The following EYS variants were observed in gnomAD, a reference collection of about 807,000 sequenced individuals.
The protein encoded by EYS is EGF-like photoreceptor maintenance factor.
In EYS, 250 loss-of-function variants were observed where a neutral mutation model predicts 282.1. The observed-to-expected ratio is 0.89, with a 90% CI of 0.80 to 0.98. The LOEUF is 0.98. EYS is among the 50% of genes least tolerant of loss of function. The pLI, the probability that EYS is intolerant of heterozygous loss-of-function variation, is 0.00. For synonymous variants in EYS, 1,355 were observed against 1,282.9 expected, an observed-to-expected ratio of 1.06 and a Z score of -1.20; for missense variants, 4,016 against 3,709.0, an observed-to-expected ratio of 1.08 and a Z score of -2.15.
chr6:64,211,484 G>A (rs1429015343), intron 31 of EYS, among the ~76,000 whole-genome samples: 1 of 151,554 alleles, frequency 6.6e-6, no homozygotes, highest in South Asian at 2.1e-4. Flanking sequence ...ATCTCATGGA[G>A]TCTGTTTTCA....
intron 2 of EYS, among the ~76,000 whole-genome samples, chr6:65,619,054 A>G (rs1582527202): frequency 6.6e-6 from 1 of 152,068 alleles, no homozygotes; most frequent in African/African-American, 2.4e-5. Flanking sequence ...TTGGTTCCAT[A>G]TGAACTTTAA....
At chr6:64,767,549 T>C (rs1198294645) in intron 22 of EYS, among the ~76,000 whole-genome samples, 1 of 152,128 alleles carries the variant, frequency 6.6e-6, no homozygotes, top group African/African-American at 2.4e-5. Flanking sequence ...AACTTTCTGT[T>C]TCTGGCTTAT....
At chr6:64,166,946 A>G (rs78566357) in intron 31 of EYS, among the ~76,000 whole-genome samples, 1,681 of 152,306 alleles carry the variant, frequency 0.011, 29 homozygotes, top group African/African-American at 0.038. Flanking sequence ...AAATTTTGCT[A>G]AAGTTGTAGA....
At chr6:64,643,528 G>A (rs1481631639) in intron 22 of EYS, among the ~76,000 whole-genome samples, 2 of 152,126 alleles carry the variant, frequency 1.3e-5, no homozygotes, top group African/African-American at 4.8e-5. Flanking sequence ...GGTGAGAGTA[G>A]GTGTAGGGAA....
intron 13 of EYS, among the ~76,000 whole-genome samples, chr6:65,014,737 G>A (rs1330465597): frequency 6.6e-6 from 1 of 152,162 alleles, no homozygotes; most frequent in Non-Finnish European, 1.5e-5. Context: ...GGGTAGCATG[G>A]TAGAAAAAAT....
chr6:65,029,424 T>C (rs1772528195), intron 13 of EYS, among the ~76,000 whole-genome samples: 2 of 152,220 alleles, frequency 1.3e-5, no homozygotes, highest in Admixed American at 6.5e-5. Flanking sequence ...TGCACACATA[T>C]ACACTCATAT....
At chr6:64,618,421 T>G (rs953783672) in intron 23 of EYS, among the ~76,000 whole-genome samples, 3 of 152,186 alleles carry the variant, frequency 2.0e-5, no homozygotes, top group Admixed American at 6.6e-5. Context: ...CAGCTCTCAC[T>G]GCTCACTGAC....
At chr6:64,676,767 GC>G (rs1460035117) in intron 22 of EYS, among the ~76,000 whole-genome samples, 1 of 152,052 alleles carries the variant, frequency 6.6e-6, no homozygotes, top group Non-Finnish European at 1.5e-5. Flanking sequence ...TTCATAGATG[GC>G]CTTCTTTTCA....
At chr6:63,735,758 A>T (rs1768895711) in intron 41 of EYS, among the ~76,000 whole-genome samples, 1 of 152,148 alleles carries the variant, frequency 6.6e-6, no homozygotes. Context: ...TTTCTTGTCC[A>T]GGATGCCCTT....
Position 65,631,925 on chromosome 6 carries a change from T to C in EYS, c.-333+7853A>G, listed in dbSNP as rs575196580. ...GGCTAAAGTCACTGAATATGTACAA[T>C]GTGGCAGACACTCTTTAGTTCTCAC... On this transcript the variant is annotated intron_variant, in intron 2 of 42. Coordinates refer to ENST00000503581, the MANE Select transcript of EYS (RefSeq NM_001142800.2). Among the ~76,000 whole-genome samples the C allele has an allele frequency of 7.9e-5, 12 of 152,268 alleles. No homozygotes were observed. In the South Asian group the frequency reaches 2.3e-3, roughly 29 times the overall value.
intron 13 of EYS, among the ~76,000 whole-genome samples, chr6:65,038,046 C>T (rs1241256589): frequency 6.6e-6 from 1 of 151,334 alleles, no homozygotes; most frequent in Non-Finnish European, 1.5e-5. Context: ...GAATGCATGG[C>T]AAAAAGGTTT....
chr6:64,404,569 G>A (rs1474432450), intron 28 of EYS, among the ~76,000 whole-genome samples: 3 of 152,124 alleles, frequency 2.0e-5, no homozygotes, highest in Non-Finnish European at 4.4e-5. Context: ...CCACGTGTCA[G>A]GCAAGACAGT....
Position 64,578,550 on chromosome 6 carries a change from GTTCTAC to G in EYS, c.5644+11667_5644+11672del, listed in dbSNP as rs1194002352. On this transcript the variant is annotated intron_variant, in intron 26 of 42. Transcript: ENST00000503581. ...CCAGAACTTGTGACACCCCACACTT[GTTCTAC>G]TTCTACTTTTTCTTTTATCACATTC... 5.3e-5 allele frequency among the ~76,000 whole-genome samples: 8 copies of G among 151,758 alleles called. No homozygotes were observed. The East Asian group carries it at 1.2e-3, about 22-fold the overall frequency.
intron 39 of EYS, among the ~76,000 whole-genome samples, chr6:63,787,851 A>C (rs1339782691): frequency 6.6e-6 from 1 of 152,166 alleles, no homozygotes; most frequent in Non-Finnish European, 1.5e-5. Context: ...AGGCAGGAGA[A>C]TCACTTGAAC....
chr6:63,727,737 A>AAAATATATATATAT (rs1554164607), intron 41 of EYS, among the ~76,000 whole-genome samples: 1 of 36,736 alleles, frequency 2.7e-5, no homozygotes, highest in Non-Finnish European at 4.3e-5. Flanking sequence ...AAAAAAAAAA[A>AAAATATATATATAT]ATATATATAT....
At chr6:64,230,873 G>A (rs1345760145) in intron 30 of EYS, 49 bp from the exon 31 acceptor site, 20 of 1,108,552 alleles carry the variant, frequency 1.8e-5, no homozygotes, top group South Asian at 5.0e-5. Flanking sequence ...AAAAGCACTA[G>A]GAACATAAAT....
chr6:64,476,873 T>C (rs2150496322), intron 26 of EYS, among the ~76,000 whole-genome samples: 1 of 152,314 alleles, frequency 6.6e-6, no homozygotes, highest in East Asian at 1.9e-4. Context: ...ATTCAGTTTC[T>C]CATCGACTTG....
At chr6:64,909,692 C>T (rs1767934095) in intron 16 of EYS, among the ~76,000 whole-genome samples, 1 of 152,010 alleles carries the variant, frequency 6.6e-6, no homozygotes. Flanking sequence ...CACAATAGTT[C>T]TGGTGCTTAA....
chr6:64,990,095 A>G (rs1771013860), intron 14 of EYS, among the ~76,000 whole-genome samples: 1 of 151,478 alleles, frequency 6.6e-6, no homozygotes, highest in African/African-American at 2.4e-5. Flanking sequence ...TAAACTACCT[A>G]CAGACAAATG....
Sources: gnomAD v4.1 joint callset for allele counts (sites outside exome capture counted in the v4.1 genomes callset) on GRCh38, gnomAD v4.1.1 for gene constraint, MANE v1.5 for transcripts, NCBI Gene and HGNC (gene_info 2026-07-23, HGNC 2026-07-21) for gene names.